The following GRM5 variants were observed in gnomAD, a reference collection of about 807,000 sequenced individuals.
The protein encoded by GRM5 is glutamate metabotropic receptor 5.
A neutral mutation model predicts 83.1 loss-of-function variants in GRM5; 19 were observed. That is an observed-to-expected ratio of 0.23 (90% CI 0.16 to 0.34). GRM5 has a LOEUF of 0.34. Ranked by LOEUF, GRM5 falls within the 10% of genes least tolerant of loss-of-function variation. The pLI, the probability that GRM5 is intolerant of heterozygous loss-of-function variation, is 1.00. For synonymous variants in GRM5, 675 were observed against 633.6 expected (o/e 1.07, Z -0.98); for missense variants, 1,160 against 1,588.3 (o/e 0.73, Z 4.58).
chr11:88,945,817 TC>T (rs1205090300), intron 2 of GRM5, among the ~76,000 whole-genome samples: 2 of 152,062 alleles, frequency 1.3e-5, no homozygotes, highest in Non-Finnish European at 2.9e-5. Flanking sequence ...GTTCTGGACA[TC>T]AAACTTGGGA....
At chr11:88,710,022 A>C (rs937862287) in intron 3 of GRM5, among the ~76,000 whole-genome samples, 1 of 152,090 alleles carries the variant, frequency 6.6e-6, no homozygotes, top group African/African-American at 2.4e-5. Context: ...GGGTATTCGC[A>C]TTCACAACTT....
At chr11:88,707,692 G>A (rs1466319946) in intron 3 of GRM5, among the ~76,000 whole-genome samples, 1 of 152,058 alleles carries the variant, frequency 6.6e-6, no homozygotes, top group African/African-American at 2.4e-5. Context: ...AGATACCAAG[G>A]GATGACTGTG....
intron 2 of GRM5, among the ~76,000 whole-genome samples, chr11:88,955,483 T>C (rs1318933309): frequency 6.6e-6 from 1 of 152,218 alleles, no homozygotes; most frequent in Non-Finnish European, 1.5e-5. Context: ...CATGTAATTA[T>C]AAAATTAACA....
chr11:88,633,464 T>C (rs892257131), intron 4 of GRM5, among the ~76,000 whole-genome samples: 1 of 152,214 alleles, frequency 6.6e-6, no homozygotes, highest in African/African-American at 2.4e-5. Flanking sequence ...TGTTTTCTTA[T>C]AGATATTTTA....
intron 3 of GRM5, among the ~76,000 whole-genome samples, chr11:88,745,379 T>C (rs1942115772): frequency 2.3e-5 from 2 of 86,358 alleles, no homozygotes; most frequent in Non-Finnish European, 5.3e-5. Context: ...GCTAATATTG[T>C]ATTTTTTGTA....
At chr11:88,581,164 T>C (rs1468770356) in intron 7 of GRM5, among the ~76,000 whole-genome samples, 1 of 152,124 alleles carries the variant, frequency 6.6e-6, no homozygotes, top group African/African-American at 2.4e-5. Flanking sequence ...GTTAAAACTT[T>C]CCCCAAATTT....
intron 2 of GRM5, among the ~76,000 whole-genome samples, chr11:88,984,163 C>A (rs1307744773): frequency 6.6e-6 from 1 of 152,070 alleles, no homozygotes; most frequent in African/African-American, 2.4e-5. Flanking sequence ...CACAGTAGTA[C>A]AGAGTAATGT....
chr11:88,523,430 A>G (rs1356615253), intron 9 of GRM5, among the ~76,000 whole-genome samples: 1 of 152,138 alleles, frequency 6.6e-6, no homozygotes, highest in Non-Finnish European at 1.5e-5. Context: ...CTGTTTGCCT[A>G]ATTTTCAAGG....
At chr11:89,016,658 A>G (rs556584350) in intron 2 of GRM5, among the ~76,000 whole-genome samples, 1 of 152,324 alleles carries the variant, frequency 6.6e-6, no homozygotes, top group Non-Finnish European at 1.5e-5. Flanking sequence ...ATTAGCAAGT[A>G]TAACAGTAAG....
chr11:88,839,160 A>G (rs1018664712), intron 3 of GRM5, among the ~76,000 whole-genome samples: 1 of 152,222 alleles, frequency 6.6e-6, no homozygotes, highest in African/African-American at 2.4e-5. Context: ...CTACCTGGAT[A>G]CCAAAATTAA....
chr11:88,615,109 G>A (rs539936714), intron 4 of GRM5, among the ~76,000 whole-genome samples: 104 of 152,186 alleles, frequency 6.8e-4, no homozygotes, highest in African/African-American at 2.4e-3. Flanking sequence ...GGATGTACAT[G>A]TTTGTTCACA....
chr11:88,526,887 T>TA (rs1941891259), intron 8 of GRM5, among the ~76,000 whole-genome samples: 1 of 152,116 alleles, frequency 6.6e-6, no homozygotes, highest in Admixed American at 6.6e-5. Flanking sequence ...GATGTAAAGA[T>TA]AAGTAATCTG....
intron 7 of GRM5, among the ~76,000 whole-genome samples, chr11:88,575,493 A>T (rs142139365): frequency 2.6e-5 from 4 of 152,326 alleles, no homozygotes; most frequent in African/African-American, 9.6e-5. Context: ...TCTATTTAGT[A>T]GGAAACAGAA....
At chr11:88,779,671 C>T (rs754138024) in intron 3 of GRM5, among the ~76,000 whole-genome samples, 8 of 152,102 alleles carry the variant, frequency 5.3e-5, no homozygotes, top group Admixed American at 3.9e-4. Context: ...GATTCATCAC[C>T]CTTGGAGCTG....
At chr11:88,515,105 C>T (rs1023228430) in intron 9 of GRM5, among the ~76,000 whole-genome samples, 3 of 152,080 alleles carry the variant, frequency 2.0e-5, no homozygotes, top group Non-Finnish European at 4.4e-5. Context: ...TGTTCATTCA[C>T]GGTGGGTTAT....
intron 2 of GRM5, among the ~76,000 whole-genome samples, chr11:88,888,502 C>T (rs1383692163): frequency 2.6e-5 from 4 of 152,098 alleles, no homozygotes; most frequent in Non-Finnish European, 5.9e-5. Flanking sequence ...TTTCAATGGC[C>T]CTTTTATGAT....
At chr11:88,581,307 T>C (rs1591362702) in intron 7 of GRM5, among the ~76,000 whole-genome samples, 1 of 152,216 alleles carries the variant, frequency 6.6e-6, no homozygotes, top group African/African-American at 2.4e-5. Context: ...ACTTTTTGTA[T>C]GCTATAAAAT....
At chr11:88,848,164 G>C (rs1460810191) in intron 3 of GRM5, among the ~76,000 whole-genome samples, 1 of 152,208 alleles carries the variant, frequency 6.6e-6, no homozygotes, top group South Asian at 2.1e-4. Context: ...TTGGCAGTTG[G>C]CATGTTTGTG....
intron 7 of GRM5, among the ~76,000 whole-genome samples, chr11:88,576,315 C>T (rs1005978948): frequency 2.6e-5 from 4 of 152,114 alleles, no homozygotes; most frequent in South Asian, 2.1e-4. Flanking sequence ...GGCCTGTACC[C>T]GTCATAGCAC....
Sources: gnomAD v4.1 joint callset for allele counts (sites outside exome capture counted in the v4.1 genomes callset) on GRCh38, gnomAD v4.1.1 for gene constraint, MANE v1.5 for transcripts, NCBI Gene and HGNC (gene_info 2026-07-23, HGNC 2026-07-21) for gene names.